LRRFIP1: variants seen among roughly 807,000 people sequenced by gnomAD.
LRRFIP1 encodes leucine-rich repeat flightless-interacting protein 1.
A neutral mutation model predicts 104.4 loss-of-function variants in LRRFIP1; 62 were observed. That is an observed-to-expected ratio of 0.59 (90% CI 0.48 to 0.73). LRRFIP1 has a LOEUF of 0.73. Ranked by LOEUF, LRRFIP1 falls within the 30% of genes least tolerant of loss-of-function variation. LRRFIP1 has a pLI of 0.00. For synonymous variants in LRRFIP1, 300 were observed against 299.0 expected, an observed-to-expected ratio of 1.00 and a Z score of -0.03; for missense variants, 796 against 824.5, an observed-to-expected ratio of 0.97 and a Z score of 0.42.
chr2:237,662,277 CACCCTAATCTAGT>C (rs2088155333), intron 1 of LRRFIP1, among the ~76,000 whole-genome samples: 1 of 152,150 alleles, frequency 6.6e-6, no homozygotes, highest in Admixed American at 6.5e-5. Context: ...AATGAGGGCC[CACCCTAATCTAGT>C]ACGACCTCAT....
intron 1 of LRRFIP1, among the ~76,000 whole-genome samples, chr2:237,639,886 G>C (rs1206193099): frequency 6.6e-6 from 1 of 152,192 alleles, no homozygotes; most frequent in East Asian, 1.9e-4. Context: ...GGCGCCAGGA[G>C]CTCCTCGCTA....
intron 8 of LRRFIP1, 93 bp from the exon 9 acceptor site, chr2:237,733,681 G>C (rs1353441558): frequency 2.1e-5 from 26 of 1,267,970 alleles, no homozygotes; most frequent in Non-Finnish European, 2.5e-5. Flanking sequence ...GTTGGCTATG[G>C]TGAATGCTGA....
intron 1 of LRRFIP1, among the ~76,000 whole-genome samples, chr2:237,637,830 C>T (rs537664955): frequency 3.9e-5 from 6 of 152,272 alleles, no homozygotes; most frequent in African/African-American, 1.4e-4. Context: ...CAATTTTGCC[C>T]TCATTGTCCT....
At chr2:237,656,747 A>G (rs934972947) in intron 1 of LRRFIP1, among the ~76,000 whole-genome samples, 1 of 152,388 alleles carries the variant, frequency 6.6e-6, no homozygotes, top group Non-Finnish European at 1.5e-5. Context: ...TAATCAGAAG[A>G]GCATGCATTT....
At chr2:237,692,204 C>A in intron 1 of LRRFIP1, 8 of 1,066,634 alleles carry the variant, frequency 7.5e-6, no homozygotes, top group East Asian at 6.7e-5. Flanking sequence ...GCTTCCCCGG[C>A]GCCCTTCCAC....
intron 1 of LRRFIP1, among the ~76,000 whole-genome samples, chr2:237,639,113 T>C (rs936490522): frequency 6.6e-6 from 1 of 152,150 alleles, no homozygotes. Flanking sequence ...GGCAATTAAA[T>C]GGTGGTGGTC....
At position 237,763,501 on chromosome 2, in the gene LRRFIP1, G is replaced by T. The variant is rs115798842; in HGVS notation, c.1459+3296G>T. 1,650 of 1,613,706 alleles carry T rather than the reference G, an allele frequency of 1.0e-3. 15 individuals carry two copies. The African/African-American group carries it at 0.019, about 18-fold the overall frequency. On this transcript the variant is annotated intron_variant, in intron 19 of 23. Coordinates refer to ENST00000308482, the MANE Select transcript of LRRFIP1 (RefSeq NM_001137550.2). ...TTAAAGATGTTAAAAAAGAGTTAACGTATCAGAACACAGATTTAAGTGAAA... is the reference window on the plus strand; with the variant it reads ...TTAAAGATGTTAAAAAAGAGTTAACTTATCAGAACACAGATTTAAGTGAAA...
chr2:237,685,141 G>A (rs1458821200), intron 1 of LRRFIP1, among the ~76,000 whole-genome samples: 2 of 144,876 alleles, frequency 1.4e-5, no homozygotes, highest in African/African-American at 5.4e-5. Flanking sequence ...CCAAAAATCA[G>A]AAGTGGTTTT....
intron 1 of LRRFIP1, among the ~76,000 whole-genome samples, chr2:237,672,884 C>CT (rs2090557201): frequency 6.6e-6 from 1 of 152,158 alleles, no homozygotes; most frequent in Admixed American, 6.5e-5. Flanking sequence ...CCAGGTATTG[C>CT]TATAGCTAAG....
intron 1 of LRRFIP1, among the ~76,000 whole-genome samples, chr2:237,676,952 C>A (rs542481623): frequency 6.6e-6 from 1 of 152,222 alleles, no homozygotes; most frequent in Non-Finnish European, 1.5e-5. Flanking sequence ...GGAAACTCTG[C>A]GCTGGCTTTC....
chr2:237,760,214 T>A lies in LRRFIP1; in HGVS notation c.1459+9T>A, dbSNP rs1433531759. The A allele has an allele frequency of 6.2e-7, 1 of 1,613,764 alleles. No homozygotes were observed. Among genetic ancestry groups the A allele is most frequent in the Admixed American group, 1.7e-5 (1 of 59,992 alleles). ...AGGGGATGGGACCCTAGGTAAGTATTTGCTTTCCTTCGGCTCCTCACACCT... is the reference window on the plus strand; with the variant it reads ...AGGGGATGGGACCCTAGGTAAGTATATGCTTTCCTTCGGCTCCTCACACCT... On this transcript the variant is annotated intron_variant, in intron 19 of 23. Coordinates refer to ENST00000308482, the MANE Select transcript of LRRFIP1 (RefSeq NM_001137550.2).
chr2:237,705,943 C>A (rs1317776093), intron 1 of LRRFIP1, among the ~76,000 whole-genome samples: 2 of 152,248 alleles, frequency 1.3e-5, no homozygotes, highest in Non-Finnish European at 2.9e-5. Context: ...GACTTCTAGA[C>A]CCTCTTTTAA....
At chr2:237,723,797 G>T (rs1338010811) in intron 7 of LRRFIP1, among the ~76,000 whole-genome samples, 1 of 152,246 alleles carries the variant, frequency 6.6e-6, no homozygotes, top group Non-Finnish European at 1.5e-5. Flanking sequence ...GAGGGGAGGA[G>T]CCCAGGCATC....
chr2:237,666,740 G>GTTCTTTCGTTCTTTCA (rs2089333587), intron 1 of LRRFIP1, among the ~76,000 whole-genome samples: 2 of 149,826 alleles, frequency 1.3e-5, no homozygotes. Context: ...TTGTTCTTTC[G>GTTCTTTCGTTCTTTCA]TTCTTTCATT....
intron 1 of LRRFIP1, among the ~76,000 whole-genome samples, chr2:237,640,871 A>G (rs984720434): frequency 6.6e-6 from 1 of 151,252 alleles, no homozygotes; most frequent in Admixed American, 6.6e-5. Flanking sequence ...CCCCCTTCCA[A>G]CCCCTGGCCT....
chr2:237,752,836 A>C (rs1055718929), intron 14 of LRRFIP1, among the ~76,000 whole-genome samples: 1 of 152,222 alleles, frequency 6.6e-6, no homozygotes, highest in Non-Finnish European at 1.5e-5. Flanking sequence ...AAGCCAGAGT[A>C]GGGCTGGTTG....
intron 1 of LRRFIP1, among the ~76,000 whole-genome samples, chr2:237,640,632 C>A (rs1387407732): frequency 6.6e-6 from 1 of 152,092 alleles, no homozygotes; most frequent in East Asian, 1.9e-4. Flanking sequence ...TTAAAACCGT[C>A]CCCATATCTC....
chr2:237,675,722 A>G (rs79710541), intron 1 of LRRFIP1, among the ~76,000 whole-genome samples: 6,043 of 152,340 alleles, frequency 0.04, 400 homozygotes, highest in African/African-American at 0.14. Flanking sequence ...AGAAAAGTAA[A>G]GAAAAAAATA....
intron 19 of LRRFIP1, chr2:237,763,406 T>A: frequency 6.2e-7 from 1 of 1,613,892 alleles, no homozygotes; most frequent in Non-Finnish European, 8.5e-7. Flanking sequence ...ATTGGACTCA[T>A]CGCAGAAGAA....
Sources: gnomAD v4.1 joint callset for allele counts (sites outside exome capture counted in the v4.1 genomes callset) on GRCh38, gnomAD v4.1.1 for gene constraint, MANE v1.5 for transcripts, NCBI Gene and HGNC (gene_info 2026-07-23, HGNC 2026-07-21) for gene names.